Variants in NWD2 observed in about 807,000 individuals in gnomAD.
The protein encoded by NWD2 is NACHT and WD repeat domain containing 2, also known as NACHT and WD repeat domain-containing protein 2.
Under a neutral mutation model 132.7 loss-of-function variants are expected in NWD2, and 37 were observed. The observed-to-expected ratio is 0.28, with a 90% CI of 0.21 to 0.37. The LOEUF (loss-of-function observed/expected upper bound fraction) is 0.37. Ranked by LOEUF, NWD2 falls within the 10% of genes least tolerant of loss-of-function variation. The probability of loss-of-function intolerance (pLI) is 1.00; values close to 1 mark genes in which losing one functional copy is unlikely to be tolerated. For missense variants in NWD2, 1,592 were observed against 2,122.4 expected (o/e 0.75, Z 4.91); for synonymous variants, 705 against 803.0 (o/e 0.88, Z 2.06).
chr4:37,370,640 G>C (rs569487180), intron 3 of NWD2, among the ~76,000 whole-genome samples: 1 of 152,314 alleles, frequency 6.6e-6, no homozygotes, highest in South Asian at 2.1e-4. Context: ...GGAAGCAATT[G>C]TATCTTTATT....
intron 3 of NWD2, among the ~76,000 whole-genome samples, chr4:37,383,115 C>A (rs1220769158): frequency 6.6e-6 from 1 of 152,154 alleles, no homozygotes; most frequent in African/African-American, 2.4e-5. Flanking sequence ...TTATTTGAAG[C>A]CTAAGGTGCA....
intron 3 of NWD2, among the ~76,000 whole-genome samples, chr4:37,380,177 C>T (rs1369462914): frequency 6.6e-6 from 1 of 152,236 alleles, no homozygotes; most frequent in Non-Finnish European, 1.5e-5. Context: ...TTCAGATTAA[C>T]TTCTCCAGGG....
In NWD2 at chr4:37,424,897, A is replaced by G. The variant is rs550049564; in HGVS notation, c.358-5675A>G. Among the ~76,000 whole-genome samples, 30 of 152,282 alleles carry G rather than the reference A, an allele frequency of 2.0e-4. No individual in the cohort carries two copies. The Middle Eastern group carries it at 0.014, about 69-fold the overall frequency. On this transcript the variant is annotated intron_variant, in intron 3 of 6. Transcript: ENST00000309447. ...CTGCATGCCACAGACTCAGACCCCA[A>G]AGATTCTCAGTTGCAGCAGAGCTAA...
chr4:37,280,088 G>A (rs949177188), intron 1 of NWD2, among the ~76,000 whole-genome samples: 3 of 152,118 alleles, frequency 2.0e-5, no homozygotes, highest in Non-Finnish European at 4.4e-5. Flanking sequence ...CAGTAGATTC[G>A]CAGAAACTGA....
chr4:37,440,460 A>C (rs1465641692), intron 6 of NWD2, among the ~76,000 whole-genome samples: 1 of 152,100 alleles, frequency 6.6e-6, no homozygotes, highest in Admixed American at 6.5e-5. Context: ...CTCAGCCTTC[A>C]TGGTTTCCAG....
intron 3 of NWD2, among the ~76,000 whole-genome samples, chr4:37,365,510 A>G (rs1390803917): frequency 6.6e-6 from 1 of 152,160 alleles, no homozygotes; most frequent in Non-Finnish European, 1.5e-5. Context: ...AAAGCCTCAG[A>G]TTTTCCAGGT....
At chr4:37,245,328 C>G in intron 1 of NWD2, 110 bp downstream of exon 1, 2 of 1,279,906 alleles carry the variant, frequency 1.6e-6, no homozygotes, top group East Asian at 2.7e-5. Context: ...CTCCCTTCCT[C>G]CAGCTAAAGC....
At chr4:37,323,242 C>T (rs999489524) in intron 1 of NWD2, among the ~76,000 whole-genome samples, 1 of 152,122 alleles carries the variant, frequency 6.6e-6, no homozygotes, top group African/African-American at 2.4e-5. Context: ...GCAAAAGAAT[C>T]TATTAACAGA....
At chr4:37,269,754 G>A (rs539719449) in intron 1 of NWD2, among the ~76,000 whole-genome samples, 25 of 151,866 alleles carry the variant, frequency 1.6e-4, no homozygotes, top group Admixed American at 2.6e-4. Context: ...TTGTTTACAC[G>A]TTATCTTTTT....
intron 3 of NWD2, among the ~76,000 whole-genome samples, chr4:37,408,317 A>G (rs1721085502): frequency 6.6e-6 from 1 of 152,178 alleles, no homozygotes; most frequent in Non-Finnish European, 1.5e-5. Flanking sequence ...GCAGTCTGAG[A>G]TTGACCTGGG....
At chr4:37,396,943 G>A (rs1315006301) in intron 3 of NWD2, among the ~76,000 whole-genome samples, 1 of 152,018 alleles carries the variant, frequency 6.6e-6, no homozygotes, top group Non-Finnish European at 1.5e-5. Context: ...TGAAGTGGGA[G>A]AATTGCTTGA....
At chr4:37,269,800 A>G (rs1162428875) in intron 1 of NWD2, among the ~76,000 whole-genome samples, 1 of 151,846 alleles carries the variant, frequency 6.6e-6, no homozygotes, top group Non-Finnish European at 1.5e-5. Context: ...ATTTGCTCTC[A>G]TGAATTAAGC....
intron 2 of NWD2, among the ~76,000 whole-genome samples, chr4:37,336,098 C>T (rs1353843266): frequency 1.3e-5 from 2 of 151,900 alleles, no homozygotes; most frequent in East Asian, 3.8e-4. Flanking sequence ...TCTGCTTATG[C>T]TCAAGTCTTT....
intron 5 of NWD2, among the ~76,000 whole-genome samples, chr4:37,437,997 C>T (rs1052954357): frequency 2.6e-5 from 4 of 152,140 alleles, no homozygotes; most frequent in African/African-American, 9.7e-5. Context: ...CGTGGTGGCT[C>T]ACACCTGTAA....
At chr4:37,409,634 C>T (rs1721115818) in intron 3 of NWD2, among the ~76,000 whole-genome samples, 2 of 152,092 alleles carry the variant, frequency 1.3e-5, no homozygotes, top group Admixed American at 1.3e-4. Flanking sequence ...AGCCAACGTT[C>T]AAATTCAGGA....
chr4:37,368,757 G>A (rs575990029), intron 3 of NWD2, among the ~76,000 whole-genome samples: 38 of 152,254 alleles, frequency 2.5e-4, no homozygotes, highest in African/African-American at 8.7e-4. Flanking sequence ...TAGGGTTAGT[G>A]ACAGGGCATT....
At chr4:37,245,644 C>T (rs1462019221) in intron 1 of NWD2, among the ~76,000 whole-genome samples, 2 of 152,002 alleles carry the variant, frequency 1.3e-5, no homozygotes, top group African/African-American at 2.4e-5. Context: ...TGCGGGGCTA[C>T]CTCCTTGGCC....
At chr4:37,430,886 T>C (rs1428332327) in intron 4 of NWD2, 111 bp downstream of exon 4, 26 of 913,346 alleles carry the variant, frequency 2.8e-5, no homozygotes, top group South Asian at 4.8e-5. Context: ...AGAAAGTTAC[T>C]CTGCCCTAGG....
At chr4:37,352,608 A>G (rs1719792489) in intron 2 of NWD2, among the ~76,000 whole-genome samples, 1 of 152,174 alleles carries the variant, frequency 6.6e-6, no homozygotes, top group East Asian at 1.9e-4. Flanking sequence ...CTTTACCATT[A>G]TGTAATGCCC....
Sources: allele counts gnomAD v4.1 joint callset (sites outside exome capture counted in the v4.1 genomes callset), GRCh38; gene constraint gnomAD v4.1.1; transcripts MANE v1.5; gene names NCBI Gene and HGNC (gene_info 2026-07-23, HGNC 2026-07-21).